The following CXCL13 variants were observed in gnomAD, a reference collection of about 807,000 sequenced individuals.
CXCL13 encodes the protein C-X-C motif chemokine 13.
Under a neutral mutation model 12.2 loss-of-function variants are expected in CXCL13, and 7 were observed. That is an observed-to-expected ratio of 0.57 (90% confidence interval 0.33 to 1.07). The LOEUF is 1.07. Ranked by LOEUF, CXCL13 falls within the 50% of genes least tolerant of loss-of-function variation. The probability of loss-of-function intolerance (pLI) is 0.04; values close to 1 mark genes in which losing one functional copy is unlikely to be tolerated. For synonymous variants in CXCL13, 47 were observed against 42.4 expected (o/e 1.11, Z -0.42); for missense variants, 113 against 127.4 (o/e 0.89, Z 0.55).
At chr4:77,517,861 T>C (rs1449455887) in intron 1 of CXCL13, among the ~76,000 whole-genome samples, 1 of 152,216 alleles carries the variant, frequency 6.6e-6, no homozygotes, top group Non-Finnish European at 1.5e-5. Flanking sequence ...TGATGTCAGC[T>C]GGTTATTTTG....
chr4:77,578,710 C>T (rs1284040247), intron 1 of CXCL13, among the ~76,000 whole-genome samples: 2 of 152,134 alleles, frequency 1.3e-5, no homozygotes, highest in African/African-American at 4.8e-5. Flanking sequence ...CCCTACCCAC[C>T]CTTCAATGTG....
chr4:77,564,180 G>A (rs989324697), intron 1 of CXCL13, among the ~76,000 whole-genome samples: 3 of 152,214 alleles, frequency 2.0e-5, no homozygotes, highest in African/African-American at 7.2e-5. Context: ...CAGGTTAAAA[G>A]AATGGTAAGA....
At chr4:77,545,456 C>T (rs1188227132) in intron 1 of CXCL13, among the ~76,000 whole-genome samples, 2 of 152,102 alleles carry the variant, frequency 1.3e-5, no homozygotes. Context: ...TTGAAGAGGT[C>T]CTTCACATCC....
rs557276020 is a variant in CXCL13, at chr4:77,559,572, T to C, written c.-42-46252T>C. Reference sequence around the variant, plus strand: ...AGCAACCATCCACCTCTTTCTTCCATTCAAGGACTAAATATGCCGTGTGTG... The same window carrying C: ...AGCAACCATCCACCTCTTTCTTCCACTCAAGGACTAAATATGCCGTGTGTG... On this transcript the variant is annotated intron_variant, in intron 1 of 4. Transcript: ENST00000286758. 3.3e-5 allele frequency among the ~76,000 whole-genome samples: 5 copies of C among 151,792 alleles called. No individual in the cohort carries two copies. In the South Asian group the frequency reaches 8.3e-4, roughly 25 times the overall value.
rs184029836 is a variant in CXCL13, at chr4:77,566,234, C to T, written c.-42-39590C>T. On this transcript the variant is annotated intron_variant, in intron 1 of 4. Coordinates refer to the CXCL13 transcript ENST00000286758. Reference sequence around the variant, plus strand: ...ATGGCCTTATGGGATAAACTAAAGCCTAACTAGAAAATACACATTTAAAAT... The same window carrying T: ...ATGGCCTTATGGGATAAACTAAAGCTTAACTAGAAAATACACATTTAAAAT... Among the ~76,000 whole-genome samples, 362 of 152,328 alleles carry T rather than the reference C, an allele frequency of 2.4e-3. 2 individuals are homozygous for T. The highest frequency in any genetic ancestry group is 8.3e-3 in the African/African-American group (347 of 41,576).
At chr4:77,514,930 AT>A (rs1243265163) in intron 1 of CXCL13, among the ~76,000 whole-genome samples, 1 of 152,110 alleles carries the variant, frequency 6.6e-6, no homozygotes, top group Admixed American at 6.5e-5. Flanking sequence ...TAGGATTTTT[AT>A]GGTTTTAGGT....
At chr4:77,582,364 A>G (rs181862757) in intron 1 of CXCL13, among the ~76,000 whole-genome samples, 2 of 152,342 alleles carry the variant, frequency 1.3e-5, no homozygotes, top group East Asian at 1.9e-4. Flanking sequence ...TTAAGAGACC[A>G]TGCAATAACA....
chr4:77,519,467 A>G (rs539309366), intron 1 of CXCL13, among the ~76,000 whole-genome samples: 1 of 152,306 alleles, frequency 6.6e-6, no homozygotes, highest in African/African-American at 2.4e-5. Context: ...TCTGATGACC[A>G]GTGATGATGA....
chr4:77,557,991 A>C (rs1042026260), intron 1 of CXCL13, among the ~76,000 whole-genome samples: 1 of 152,162 alleles, frequency 6.6e-6, no homozygotes, highest in Non-Finnish European at 1.5e-5. Context: ...GTGTGTTTGC[A>C]CCATCTCTTT....
At chr4:77,584,939 T>C (rs1365039174) in intron 1 of CXCL13, among the ~76,000 whole-genome samples, 1 of 152,230 alleles carries the variant, frequency 6.6e-6, no homozygotes, top group Non-Finnish European at 1.5e-5. Flanking sequence ...ATGACAAATA[T>C]GACTTACACT....
intron 1 of CXCL13, among the ~76,000 whole-genome samples, chr4:77,557,030 A>G (rs1485043047): frequency 1.3e-5 from 2 of 152,146 alleles, no homozygotes; most frequent in Admixed American, 1.3e-4. Flanking sequence ...TCTCTAAAAA[A>G]TAAAAGAGAG....
Position 77,605,877 on chromosome 4 carries a change from C to T in CXCL13, c.12C>T (p.Ile4=). MKF[I]STSLLLMLLV... is the part of the protein sequence containing the mutation. ...TACCTCCAGACAGAATGAAGTTCAT[C>T]TCGACATCTCTGCTTCTCATGCTGC... Residue 4 remains isoleucine (I), a synonymous_variant, in exon 1 of 4, where the codon ATC becomes ATT. Transcript: ENST00000682537. The T allele has an allele frequency of 1.9e-6, 3 of 1,606,330 alleles. No homozygotes were observed. The highest frequency in any genetic ancestry group is 2.6e-6 in the Non-Finnish European group (3 of 1,175,140).
intron 1 of CXCL13, among the ~76,000 whole-genome samples, chr4:77,539,058 AC>A: frequency 8.6e-6 from 1 of 116,388 alleles, no homozygotes; most frequent in Non-Finnish European, 1.7e-5. Flanking sequence ...ACCTAATTTG[AC>A]CTTTTTTTTT....
chr4:77,525,937 T>A (rs1416102931), intron 1 of CXCL13, among the ~76,000 whole-genome samples: 3 of 151,520 alleles, frequency 2.0e-5, no homozygotes, highest in Non-Finnish European at 2.9e-5. Flanking sequence ...TTTTATTATT[T>A]TTGCCTTCAT....
chr4:77,588,825 T>C (rs1398145135), intron 1 of CXCL13, among the ~76,000 whole-genome samples: 1 of 152,142 alleles, frequency 6.6e-6, no homozygotes, highest in Non-Finnish European at 1.5e-5. Context: ...AACTCTCCCA[T>C]AGCAATCACT....
At chr4:77,543,876 T>C (rs1725281635) in intron 1 of CXCL13, among the ~76,000 whole-genome samples, 1 of 152,190 alleles carries the variant, frequency 6.6e-6, no homozygotes, top group Non-Finnish European at 1.5e-5. Context: ...TAGGTATTTC[T>C]CCTAATGCTA....
chr4:77,589,113 G>C (rs1726549038), intron 1 of CXCL13, among the ~76,000 whole-genome samples: 1 of 152,206 alleles, frequency 6.6e-6, no homozygotes, highest in Non-Finnish European at 1.5e-5. Flanking sequence ...ATTGTCCAGA[G>C]TTACAGTAGT....
intron 1 of CXCL13, among the ~76,000 whole-genome samples, chr4:77,515,219 A>G (rs1164480454): frequency 1.3e-5 from 2 of 152,310 alleles, no homozygotes; most frequent in Admixed American, 6.5e-5. Context: ...GCCTTGTAGT[A>G]TAGTTTGAAG....
chr4:77,559,782 C>A (rs1449917226), intron 1 of CXCL13, among the ~76,000 whole-genome samples: 1 of 151,944 alleles, frequency 6.6e-6, no homozygotes, highest in Non-Finnish European at 1.5e-5. Flanking sequence ...ATTAGTCGGG[C>A]ATGGTGGCGG....
Sources: gnomAD v4.1 joint callset for allele counts (sites outside exome capture counted in the v4.1 genomes callset) on GRCh38, gnomAD v4.1.1 for gene constraint, MANE v1.5 for transcripts, NCBI Gene and HGNC (gene_info 2026-07-23, HGNC 2026-07-21) for gene names.